CDC42BPB: variants seen among roughly 807,000 people sequenced by gnomAD.
CDC42BPB encodes the protein serine/threonine-protein kinase MRCK beta.
A neutral mutation model predicts 214.9 loss-of-function variants in CDC42BPB; 37 were observed. The ratio of observed to expected loss-of-function variants is 0.17; its 90% CI spans 0.13 to 0.23. CDC42BPB has a LOEUF of 0.23. Ranked by LOEUF, CDC42BPB falls within the 10% of genes least tolerant of loss-of-function variation. The probability of loss-of-function intolerance (pLI) is 1.00; values close to 1 mark genes in which losing one functional copy is unlikely to be tolerated. For synonymous variants in CDC42BPB, 931 were observed against 884.0 expected, an observed-to-expected ratio of 1.05 and a Z score of -0.94; for missense variants, 1,694 against 2,227.0, an observed-to-expected ratio of 0.76 and a Z score of 4.82.
At chr14:102,972,257 A>G in intron 12 of CDC42BPB, 96 bp from the exon 13 acceptor site, 1 of 1,550,236 alleles carries the variant, frequency 6.5e-7, no homozygotes, top group Non-Finnish European at 8.7e-7. Context: ...GTTAAAAGCG[A>G]CAGCCAATGC....
At chr14:102,940,466 C>T (rs1566840188) in intron 30 of CDC42BPB, 142 bp from the exon 31 acceptor site, 2 of 1,466,222 alleles carry the variant, frequency 1.4e-6, no homozygotes, top group Non-Finnish European at 9.0e-7. Flanking sequence ...CCAAAGACTT[C>T]ATGTTCCCAC....
In CDC42BPB at chr14:102,959,713, G is replaced by A. The variant is rs769612533; in HGVS notation, c.2822-3C>T. ...CTGAAAATCTGGAAGTTTGAGCCCTGCAAAAAGAAACAAAGAATAGTCAAG... is the reference window on the plus strand; with the variant it reads ...CTGAAAATCTGGAAGTTTGAGCCCTACAAAAAGAAACAAAGAATAGTCAAG... On this transcript the variant is annotated splice_polypyrimidine_tract_variant and splice_region_variant and intron_variant, in intron 20 of 36. Coordinates refer to ENST00000361246, the MANE Select transcript of CDC42BPB (RefSeq NM_006035.4). 1.2e-6 allele frequency: 2 copies of A among 1,608,970 alleles called. No individual in the cohort carries two copies. Among genetic ancestry groups the A allele is most frequent in the African/African-American group, 1.3e-5 (1 of 74,626 alleles).
rs147625347 is a variant in CDC42BPB, at chr14:103,004,078, C to T, written c.352-55G>A. 2.4e-4 allele frequency: 371 copies of T among 1,519,086 alleles called. No homozygotes were observed. In the African/African-American group the frequency reaches 3.2e-3, roughly 13 times the overall value. The allele number at this position is 1,519,086 out of a possible 1,614,324, so 94.1% of individuals were successfully genotyped here. On this transcript the variant is annotated intron_variant, in intron 3 of 36. Transcript: ENST00000361246. This position sits in a 1 kb window ranked among gnomAD's most constrained non-coding sequence, Gnocchi z 5.3. ...GTTCACTGGGAAGCAGGCCAGAGAGCGTACTGCCGGTCTCGGGGTCCCTCC... is the reference window on the plus strand; with the variant it reads ...GTTCACTGGGAAGCAGGCCAGAGAGTGTACTGCCGGTCTCGGGGTCCCTCC...
intron 30 of CDC42BPB, 68 bp from the exon 31 acceptor site, chr14:102,940,392 G>A: frequency 6.5e-7 from 1 of 1,545,482 alleles, no homozygotes; most frequent in Non-Finnish European, 8.7e-7. Context: ...TCGGGCCGGA[G>A]GCCAAGCCTT....
At chr14:103,035,842 A>G (rs1887633525) in intron 1 of CDC42BPB, among the ~76,000 whole-genome samples, 1 of 151,772 alleles carries the variant, frequency 6.6e-6, no homozygotes, top group Admixed American at 6.6e-5. Flanking sequence ...TCTGTCTCAA[A>G]AAAAATAAAA....
chr14:103,025,048 T>C (rs1373864976), intron 1 of CDC42BPB, among the ~76,000 whole-genome samples: 2 of 152,256 alleles, frequency 1.3e-5, no homozygotes, highest in East Asian at 3.8e-4. Flanking sequence ...GTGTCACTGC[T>C]GTGAATTCAG....
rs760866818 is a variant in CDC42BPB, at chr14:102,944,219, C to T, written c.4080G>A (p.Thr1360=). 25 of 1,613,180 alleles carry T rather than the reference C, an allele frequency of 1.5e-5. No homozygotes were observed. Among genetic ancestry groups the T allele is most frequent in the South Asian group, 3.3e-5 (3 of 91,086 alleles). ...CATTGAACTTTCTGTGGAATGGCTT[C>T]GTTCTCTGGATCTCATAGCAAAGGA... ...RLILCYEIQR[T]KPFHRKFNEI... is the part of the protein sequence containing the mutation. The change falls in exon 30 of 37, where the codon ACG becomes ACA. Residue 1360 remains threonine, a synonymous_variant. Coordinates refer to ENST00000361246, the MANE Select transcript of CDC42BPB (RefSeq NM_006035.4). This position sits in a 1 kb window ranked among gnomAD's most constrained non-coding sequence, Gnocchi z 6.6.
intron 23 of CDC42BPB, 24 bp from the exon 24 acceptor site, chr14:102,952,627 C>A: frequency 6.2e-7 from 1 of 1,606,306 alleles, no homozygotes; most frequent in Non-Finnish European, 8.5e-7. Context: ...ATCAAGAACA[C>A]TGAGGTGAAC....
At chr14:102,955,001 A>T (rs2139409264) in intron 21 of CDC42BPB, 1 of 156,426 alleles carries the variant, frequency 6.4e-6, no homozygotes, top group South Asian at 2.0e-4. Flanking sequence ...TCTAATGCAC[A>T]GCCCTGAGCA....
At chr14:102,986,312 A>C in intron 6 of CDC42BPB, 175 bp downstream of exon 6, 1 of 556,226 alleles carries the variant, frequency 1.8e-6, no homozygotes, top group South Asian at 2.2e-5. Flanking sequence ...TTCCAACTTA[A>C]TTTTTATTTG....
At chr14:102,969,905 A>T (rs1291578097) in intron 14 of CDC42BPB, among the ~76,000 whole-genome samples, 1 of 152,252 alleles carries the variant, frequency 6.6e-6, no homozygotes. Flanking sequence ...GTTTCCTAGG[A>T]CTTACTGTGA....
chr14:103,048,532 C>CAAAAAA (rs71119751), intron 1 of CDC42BPB, among the ~76,000 whole-genome samples: 1,984 of 42,630 alleles, frequency 0.047, 201 homozygotes, highest in Middle Eastern at 0.062. Context: ...ACTAAAAATA[C>CAAAAAA]AAAAAAAAAA....
At chr14:103,005,696 C>A (rs145280339) in intron 3 of CDC42BPB, among the ~76,000 whole-genome samples, 11 of 151,414 alleles carry the variant, frequency 7.3e-5, no homozygotes, top group Admixed American at 6.6e-5. Context: ...GACCCTGTCT[C>A]TAAAACAAGA....
Position 102,933,696 on chromosome 14 carries a change from T to C in CDC42BPB, c.*16A>G. 6.9e-7 allele frequency: 1 copy of C among 1,445,572 alleles called. No individual in the cohort carries two copies. The highest frequency in any genetic ancestry group is 9.0e-7 in the Non-Finnish European group (1 of 1,112,622). The allele number at this position is 1,445,572 out of a possible 1,614,324, so 89.5% of individuals were successfully genotyped here. A position where few individuals can be genotyped will look rare whatever the true frequency, so the allele number is the denominator to read the frequency against. ...GCCATCTCCAGCTCCCTGGCCCCTG[T>C]GGCGAGCTGGCGGCTTCAGGTGTCA... is the stretch of plus-strand genomic sequence containing the variant. On this transcript the variant is annotated 3_prime_UTR_variant, in exon 37 of 37. Coordinates refer to ENST00000361246, the MANE Select transcript of CDC42BPB (RefSeq NM_006035.4).
In CDC42BPB at chr14:102,954,842, C is replaced by T. The variant is rs140310271; in HGVS notation, c.2902-154G>A. ...TGGATCCTATCACCCCTTGGGTCTC[C>T]TCACAGACCCCTGCTCCACTCCCAG... On this transcript the variant is annotated intron_variant, in intron 21 of 36. Coordinates refer to ENST00000361246, the MANE Select transcript of CDC42BPB (RefSeq NM_006035.4). 8.5e-5 allele frequency: 84 copies of T among 983,582 alleles called. 1 individual carries two copies. In the African/African-American group the frequency reaches 1.4e-3, roughly 16 times the overall value. The allele number at this position is 983,582 out of a possible 1,614,324, so 60.9% of individuals were successfully genotyped here.
chr14:102,954,086 C>A, intron 23 of CDC42BPB, 112 bp downstream of exon 23: 1 of 797,166 alleles, frequency 1.3e-6, no homozygotes, highest in South Asian at 1.6e-5. Context: ...TGTGTGTATG[C>A]AAAAATGACT....
At chr14:102,969,443 T>A (rs1893373069) in intron 14 of CDC42BPB, among the ~76,000 whole-genome samples, 1 of 152,114 alleles carries the variant, frequency 6.6e-6, no homozygotes, top group South Asian at 2.1e-4. Flanking sequence ...GAGAGGAGAC[T>A]CAAGGGCTGA....
At chr14:103,043,398 C>G (rs1888118333) in intron 1 of CDC42BPB, among the ~76,000 whole-genome samples, 1 of 152,072 alleles carries the variant, frequency 6.6e-6, no homozygotes, top group Non-Finnish European at 1.5e-5. Context: ...ATGGGATGAA[C>G]CTTGACAACA....
At chr14:103,007,912 CAGCAGGCCTGGCCTGCCTTA>C (rs1280761321) in intron 3 of CDC42BPB, among the ~76,000 whole-genome samples, 1 of 152,168 alleles carries the variant, frequency 6.6e-6, no homozygotes, top group Non-Finnish European at 1.5e-5. Context: ...GTGGGCTCCC[CAGCAGGCCTGGCCTGCCTTA>C]GGCAGGCAGG....
Sources: gnomAD v4.1 joint callset for allele counts (sites outside exome capture counted in the v4.1 genomes callset) on GRCh38, gnomAD v4.1.1 for gene constraint, Gnocchi (gnomAD v3.1) non-coding constraint, MANE v1.5 for transcripts, NCBI Gene and HGNC (gene_info 2026-07-23, HGNC 2026-07-21) for gene names.